The following SLAIN2 variants were observed in gnomAD, a reference collection of about 807,000 sequenced individuals.
SLAIN2 encodes the protein SLAIN motif-containing protein 2.
Under a neutral mutation model 56.6 loss-of-function variants are expected in SLAIN2, and 31 were observed. The observed-to-expected ratio is 0.55, with a 90% CI of 0.41 to 0.74. SLAIN2 has a LOEUF of 0.74. Ranked by LOEUF, SLAIN2 falls within the 30% of genes least tolerant of loss-of-function variation. The pLI is 0.00. For synonymous variants in SLAIN2, 317 were observed against 284.9 expected, an observed-to-expected ratio of 1.11 and a Z score of -1.13; for missense variants, 777 against 754.2, an observed-to-expected ratio of 1.03 and a Z score of -0.35.
At chr4:48,388,316 A>G (rs1560459808) in intron 6 of SLAIN2, among the ~76,000 whole-genome samples, 1 of 152,184 alleles carries the variant, frequency 6.6e-6, no homozygotes, top group Non-Finnish European at 1.5e-5. Flanking sequence ...CATCAATTAA[A>G]GGAAGGAATG....
Position 48,379,747 on chromosome 4 carries a change from G to A in SLAIN2, c.761G>A (p.Ser254Asn). 6.3e-7 allele frequency: 1 copy of A among 1,592,348 alleles called. No homozygotes were observed. The highest frequency in any genetic ancestry group is 8.5e-7 in the Non-Finnish European group (1 of 1,170,926). ...CTCAGTCCTCAGTCCTCTATAGATA[G>A]TGAGTTAAGTGCTTCAGAATTAGAT... ...PPLSPQSSID[S>N]ELSASELDED... Residue 254 changes from serine (S) to asparagine (N), a missense_variant, in exon 4 of 8, where the codon AGT becomes AAT. Transcript: ENST00000264313.
chr4:48,341,632 C>T lies in SLAIN2; in HGVS notation c.-108C>T, dbSNP rs1279990154. The T allele has an allele frequency of 5.6e-6, 8 of 1,437,472 alleles. No individual in the cohort carries two copies. In the Admixed American group the frequency reaches 1.1e-4, roughly 20 times the overall value. 89.0% of individuals were successfully genotyped at this position (1,437,472 alleles called of 1,614,324 possible). The stretch of plus-strand genomic sequence containing the variant: ...GGTGGGGCCTGGTCCTGCTATATGC[C>T]GGCGCCTCGGCTAGAGTGAGCGGCG... On this transcript the variant is annotated 5_prime_UTR_variant, in exon 1 of 8. Coordinates refer to ENST00000264313, the MANE Select transcript of SLAIN2 (RefSeq NM_020846.2).
intron 6 of SLAIN2, among the ~76,000 whole-genome samples, chr4:48,401,253 T>A (rs1225887460): frequency 6.6e-6 from 1 of 152,206 alleles, no homozygotes; most frequent in African/African-American, 2.4e-5. Context: ...TATATTCTGT[T>A]GTTTTTGTTT....
Position 48,382,701 on chromosome 4 carries a change from T to C in SLAIN2, c.996T>C (p.His332=). The C allele has an allele frequency of 6.2e-7, 1 of 1,613,780 alleles. No individual in the cohort carries two copies. ...QSLDDEDDNM[H]HAVYPAVNRF... is the part of the protein sequence containing the mutation. The stretch of plus-strand genomic sequence containing the variant: ...TAGATGATGAAGATGACAATATGCA[T>C]CATGCAGTATACCCTGCTGTTAACA... The change falls in exon 5 of 8, where the codon CAT becomes CAC. Residue 332 remains histidine (H), a synonymous_variant. Transcript: ENST00000264313.
Position 48,423,398 on chromosome 4 carries a change from G to T in SLAIN2, c.*1321G>T, listed in dbSNP as rs1302689627. On this transcript the variant is annotated 3_prime_UTR_variant, in exon 8 of 8. Transcript: ENST00000264313. ...TTTTACCAGAGTAAAACTTGCTTCT[G>T]TAGCAGGCCTCTCATTTTTTATTAT... 9 of 151,994 alleles carry T rather than the reference G, an allele frequency of 5.9e-5. No individual in the cohort carries two copies. Among genetic ancestry groups the T allele is most frequent in the Admixed American group, 2.0e-4 (3 of 15,250 alleles). The allele number at this position is 151,994 out of a possible 1,614,324, so 9.4% of individuals were successfully genotyped here.
chr4:48,412,217 C>A (rs1423801820), intron 6 of SLAIN2, among the ~76,000 whole-genome samples: 1 of 152,070 alleles, frequency 6.6e-6, no homozygotes, highest in African/African-American at 2.4e-5. Flanking sequence ...CTAAAACTAA[C>A]GTGTCTCTCA....
chr4:48,342,711 C>CTTTGTTTTTT (rs1714751207), intron 1 of SLAIN2, among the ~76,000 whole-genome samples: 2 of 65,938 alleles, frequency 3.0e-5, no homozygotes, highest in Non-Finnish European at 2.6e-5. Context: ...GATGGTGCTG[C>CTTTGTTTTTT]TTTTTTTTTT....
At chr4:48,421,863 CTAGTACCTGTTTAGAGCT>C (rs1717163850) in intron 7 of SLAIN2, 130 bp from the exon 8 acceptor site, 6 of 605,402 alleles carry the variant, frequency 9.9e-6, no homozygotes, top group Admixed American at 8.4e-5. Context: ...GGAGGTTGTA[CTAGTACCTGTTTAGAGCT>C]TAGGACTTGG....
intron 1 of SLAIN2, among the ~76,000 whole-genome samples, chr4:48,359,358 A>G (rs1370078665): frequency 6.6e-6 from 1 of 152,066 alleles, no homozygotes; most frequent in Non-Finnish European, 1.5e-5. Flanking sequence ...ATCTAAAGAA[A>G]TTTATTTCAA....
chr4:48,351,405 G>C (rs1477216647), intron 1 of SLAIN2, among the ~76,000 whole-genome samples: 1 of 152,180 alleles, frequency 6.6e-6, no homozygotes, highest in East Asian at 1.9e-4. Context: ...TATATCTTTT[G>C]AGTGGGCCTG....
At chr4:48,379,343 A>G (rs1178759434) in intron 3 of SLAIN2, among the ~76,000 whole-genome samples, 1 of 152,188 alleles carries the variant, frequency 6.6e-6, no homozygotes, top group Admixed American at 6.5e-5. Flanking sequence ...TCATCTATTT[A>G]TAGAGCAGTT....
chr4:48,420,536 CAGAA>C (rs1717121350), intron 7 of SLAIN2, 93 bp downstream of exon 7: 2 of 1,405,422 alleles, frequency 1.4e-6, no homozygotes, highest in Non-Finnish European at 1.9e-6. Flanking sequence ...TGATAGTAAA[CAGAA>C]AGTCATGGTG....
chr4:48,362,747 A>AAAT (rs1560452300), intron 1 of SLAIN2, among the ~76,000 whole-genome samples: 1 of 51,528 alleles, frequency 1.9e-5, no homozygotes, highest in African/African-American at 6.5e-5. Flanking sequence ...TTTTTTTTTT[A>AAAT]TTCTTTTTTT....
chr4:48,422,732 A>G lies in SLAIN2; in HGVS notation c.*655A>G, dbSNP rs1717191943. 1 of 152,270 alleles carries G rather than the reference A, an allele frequency of 6.6e-6. No homozygotes were observed. The highest frequency in any genetic ancestry group is 2.4e-5 in the African/African-American group (1 of 41,450). 9.4% of individuals were successfully genotyped at this position (152,270 alleles called of 1,614,324 possible). A position where few individuals can be genotyped will look rare whatever the true frequency, so the allele number is the denominator to read the frequency against. On this transcript the variant is annotated 3_prime_UTR_variant, in exon 8 of 8. Coordinates refer to ENST00000264313, the MANE Select transcript of SLAIN2 (RefSeq NM_020846.2). ...AAGTTTTGGATGTAGCTCACATGTC[A>G]CCACCACCAGATAGTGTTACAGCAT...
At chr4:48,363,799 G>A (rs1292570260) in intron 1 of SLAIN2, among the ~76,000 whole-genome samples, 1 of 128,044 alleles carries the variant, frequency 7.8e-6, no homozygotes, top group East Asian at 2.4e-4. Flanking sequence ...TGGGGGGGCT[G>A]ACCCCCGCAT....
chr4:48,383,578 G>A, intron 5 of SLAIN2, 69 bp from the exon 6 acceptor site: 1 of 1,262,826 alleles, frequency 7.9e-7, no homozygotes, highest in Non-Finnish European at 1.1e-6. Flanking sequence ...ATTTTTGAAT[G>A]CTAGTTAATA....
chr4:48,375,957 T>A (rs1715799111), intron 2 of SLAIN2, among the ~76,000 whole-genome samples: 1 of 152,264 alleles, frequency 6.6e-6, no homozygotes, highest in African/African-American at 2.4e-5. Flanking sequence ...AATGAATTAC[T>A]CCTAACTCTT....
intron 6 of SLAIN2, among the ~76,000 whole-genome samples, chr4:48,397,293 A>G (rs765934378): frequency 2.0e-5 from 3 of 152,178 alleles, no homozygotes; most frequent in Non-Finnish European, 2.9e-5. Context: ...TCTCAAAAGA[A>G]GACATTCATG....
At chr4:48,356,535 T>C (rs1715161330) in intron 1 of SLAIN2, among the ~76,000 whole-genome samples, 1 of 152,202 alleles carries the variant, frequency 6.6e-6, no homozygotes, top group South Asian at 2.1e-4. Context: ...ATTGCAGCTA[T>C]TGCCACAATT....
Sources: allele counts gnomAD v4.1 joint callset (sites outside exome capture counted in the v4.1 genomes callset), GRCh38; gene constraint gnomAD v4.1.1; transcripts MANE v1.5; gene names NCBI Gene and HGNC (gene_info 2026-07-23, HGNC 2026-07-21).